Variants in GUCY2C observed in about 807,000 individuals in gnomAD.
GUCY2C encodes guanylyl cyclase C.
A neutral mutation model predicts 131.1 loss-of-function variants in GUCY2C; 118 were observed. The observed-to-expected ratio is 0.90, with a 90% CI of 0.78 to 1.05. The LOEUF (loss-of-function observed/expected upper bound fraction) is 1.05, where lower values mean the gene tolerates loss of function less well. Ranked by LOEUF, GUCY2C falls within the 50% of genes least tolerant of loss-of-function variation. GUCY2C has a pLI of 0.00. For missense variants in GUCY2C, 1,161 were observed against 1,304.4 expected (o/e 0.89, Z 1.69); for synonymous variants, 452 against 457.8 (o/e 0.99, Z 0.16).
At chr12:14,617,119 G>A (rs900947380) in intron 24 of GUCY2C, among the ~76,000 whole-genome samples, 2 of 152,146 alleles carry the variant, frequency 1.3e-5, no homozygotes, top group Non-Finnish European at 2.9e-5. Context: ...GCTGTATGAA[G>A]TGCCTGCTCC....
At chr12:14,644,174 C>T (rs1030018030) in intron 16 of GUCY2C, among the ~76,000 whole-genome samples, 2 of 142,830 alleles carry the variant, frequency 1.4e-5, no homozygotes, top group Non-Finnish European at 3.1e-5. Flanking sequence ...AGCAATGTTT[C>T]ATTCATTCTG....
At chr12:14,641,385 C>T (rs1947400757) in intron 17 of GUCY2C, among the ~76,000 whole-genome samples, 166 bp from the exon 18 acceptor site, 1 of 152,072 alleles carries the variant, frequency 6.6e-6, no homozygotes, top group Non-Finnish European at 1.5e-5. Flanking sequence ...AAAATTTTTG[C>T]TAATCCTGGT....
intron 25 of GUCY2C, among the ~76,000 whole-genome samples, chr12:14,615,755 TA>T (rs1164401456): frequency 4.3e-4 from 66 of 152,038 alleles, no homozygotes; most frequent in African/African-American, 1.6e-3. Flanking sequence ...GTGTTCTTTG[TA>T]AAAAATGTAC....
chr12:14,633,187 G>GCA (rs948349339), intron 19 of GUCY2C, among the ~76,000 whole-genome samples: 10 of 152,122 alleles, frequency 6.6e-5, no homozygotes, highest in African/African-American at 2.4e-4. Flanking sequence ...GCTTATGCTG[G>GCA]CACCAGTGCC....
intron 5 of GUCY2C, among the ~76,000 whole-genome samples, chr12:14,680,950 AAATT>A (rs1948336145): frequency 6.6e-6 from 1 of 152,180 alleles, no homozygotes. Context: ...TGTAATCAAT[AAATT>A]CATCCTCTTG....
rs1947357445 is a variant in GUCY2C at position 14,639,880 on chromosome 12, T to G, written c.2139A>C (p.Ala713=). 1 of 1,602,072 alleles carries G rather than the reference T, an allele frequency of 6.2e-7. No homozygotes were observed. The highest frequency in any genetic ancestry group is 8.6e-7 in the Non-Finnish European group (1 of 1,168,984). ...TACTCACTTCTAGCTCTTTTTCCTCTGCTGTTTCCAAGAATAAATCTGGGC... is the reference window on the plus strand; with the variant it reads ...TACTCACTTCTAGCTCTTTTTCCTCGGCTGTTTCCAAGAATAAATCTGGGC... The part of the protein sequence containing the change: ...PFRPDLFLET[A]EEKELEVYLL... Residue 713 remains alanine, a synonymous_variant, in exon 19 of 27, where the codon GCA becomes GCC. Coordinates refer to ENST00000261170, the MANE Select transcript of GUCY2C (RefSeq NM_004963.4).
Position 14,621,916 on chromosome 12 carries a change from C to A in GUCY2C, c.2601+89G>T, listed in dbSNP as rs1946904317. 1.1e-5 allele frequency: 9 copies of A among 851,480 alleles called. No homozygotes were observed. In the East Asian group the frequency reaches 2.6e-4, roughly 25 times the overall value. 52.7% of individuals were successfully genotyped at this position (851,480 alleles called of 1,614,324 possible). ...TCACTAAATGTGAAACTAGAGCGGT[C>A]AAGAGTAGTAACAGAAACAACCAAT... is the stretch of plus-strand genomic sequence containing the variant. On this transcript the variant is annotated intron_variant, in intron 22 of 26. Transcript: ENST00000261170.
intron 26 of GUCY2C, chr12:14,614,582 C>A: frequency 6.0e-6 from 2 of 333,172 alleles, no homozygotes; most frequent in East Asian, 6.7e-5. Flanking sequence ...TAGTTTTATA[C>A]TGAGCCCCCA....
intron 20 of GUCY2C, 85 bp downstream of exon 20, chr12:14,628,561 C>G: frequency 1.3e-6 from 1 of 782,650 alleles, no homozygotes; most frequent in Admixed American, 1.8e-5. Flanking sequence ...AATAGACATT[C>G]TCATTCTAAG....
intron 5 of GUCY2C, among the ~76,000 whole-genome samples, chr12:14,679,955 A>G (rs1948315989): frequency 6.6e-6 from 1 of 152,072 alleles, no homozygotes; most frequent in African/African-American, 2.4e-5. Context: ...ATCTTTTTTA[A>G]AAAAATCATC....
intron 10 of GUCY2C, among the ~76,000 whole-genome samples, chr12:14,668,180 T>C (rs1431422985): frequency 1.3e-5 from 2 of 151,438 alleles, no homozygotes; most frequent in Non-Finnish European, 2.9e-5. Flanking sequence ...TTTATATATA[T>C]ATATTTTTGA....
At chr12:14,623,626 C>T (rs1202482839) in intron 21 of GUCY2C, among the ~76,000 whole-genome samples, 7 of 152,194 alleles carry the variant, frequency 4.6e-5, no homozygotes, top group African/African-American at 1.2e-4. Flanking sequence ...GGTTTGGCTC[C>T]GTGTCCCCAC....
At position 14,629,433 on chromosome 12, in the gene GUCY2C, C is replaced by T. The variant is rs150291525; in HGVS notation, c.2158-696G>A. Among the ~76,000 whole-genome samples, 214 of 152,278 alleles carry T rather than the reference C, an allele frequency of 1.4e-3. 3 individuals are homozygous for T. The South Asian group carries it at 0.019, about 13-fold the overall frequency. The stretch of plus-strand genomic sequence containing the variant: ...AGGCTCCAGGAGAAGGTCTTCAGGA[C>T]TCAGACCTTAGTTGTAGATTAAAAG... On this transcript the variant is annotated intron_variant, in intron 19 of 26. Coordinates refer to ENST00000261170, the MANE Select transcript of GUCY2C (RefSeq NM_004963.4).
At chr12:14,684,974 G>A (rs1948443648) in intron 3 of GUCY2C, among the ~76,000 whole-genome samples, 1 of 152,074 alleles carries the variant, frequency 6.6e-6, no homozygotes, top group African/African-American at 2.4e-5. Flanking sequence ...ACTGATCCCT[G>A]CCCTCTGCAG....
chr12:14,662,584 G>A (rs1422768881), intron 10 of GUCY2C, among the ~76,000 whole-genome samples: 3 of 150,948 alleles, frequency 2.0e-5, no homozygotes, highest in Admixed American at 2.0e-4. Flanking sequence ...GCTGAAGCAG[G>A]AGAATCGCTT....
intron 10 of GUCY2C, among the ~76,000 whole-genome samples, 187 bp from the exon 11 acceptor site, chr12:14,661,249 T>C (rs990471466): frequency 6.6e-6 from 1 of 152,204 alleles, no homozygotes; most frequent in Non-Finnish European, 1.5e-5. Flanking sequence ...TCTGGCATTG[T>C]ACCCAGGGAA....
chr12:14,674,716 G>C lies in GUCY2C; in HGVS notation c.993C>G (p.Leu331=), dbSNP rs1232846862. 6.2e-7 allele frequency: 1 copy of C among 1,611,746 alleles called. No homozygotes were observed. The highest frequency in any genetic ancestry group is 1.3e-5 in the African/African-American group (1 of 74,886). The change falls in exon 8 of 27, where the codon CTC becomes CTG. Residue 331 remains leucine (L), a synonymous_variant. Transcript: ENST00000261170. ...FALAYLNGIL[L]FGHMLKIFLE... ...GAAATATCTTCAGCATATGTCCAAA[G>C]AGCAGGATTCCATTCAAATAGGCAA...
Position 14,652,965 on chromosome 12 carries a change from T to C in GUCY2C, c.1520A>G (p.Lys507Arg). ...RDTIQRLRQCKYDKKRVILKD... is the reference protein window; with the variant it reads ...RDTIQRLRQCRYDKKRVILKD... ...GGGAGAGGTCACCTTTTTGTCGTAT[T>C]TGCACTGTCGTAGTCTCTGGATTGT... The change falls in exon 13 of 27, where the codon AAA becomes AGA. Residue 507 changes from lysine to arginine, a missense_variant. Physicochemically the swap from Lys to Arg is conservative, Grantham distance 26 (BLOSUM62 2). Coordinates refer to ENST00000261170, the MANE Select transcript of GUCY2C (RefSeq NM_004963.4). The C allele has an allele frequency of 6.2e-7, 1 of 1,610,256 alleles. No individual in the cohort carries two copies. The highest frequency in any genetic ancestry group is 1.1e-5 in the South Asian group (1 of 91,024).
At chr12:14,688,498 CATT>C (rs1475042232) in intron 1 of GUCY2C, among the ~76,000 whole-genome samples, 1 of 152,136 alleles carries the variant, frequency 6.6e-6, no homozygotes, top group African/African-American at 2.4e-5. Context: ...AAGACATAAA[CATT>C]ATGATAACCT....
Sources: allele counts gnomAD v4.1 joint callset (sites outside exome capture counted in the v4.1 genomes callset), GRCh38; gene constraint gnomAD v4.1.1; transcripts MANE v1.5; gene names NCBI Gene and HGNC (gene_info 2026-07-23, HGNC 2026-07-21).